DHRSX: variants seen among roughly 807,000 people sequenced by gnomAD.
DHRSX encodes dehydrogenase/reductase X-linked, also known as polyprenol dehydrogenase.
A neutral mutation model predicts 34.0 loss-of-function variants in DHRSX; 31 were observed. The ratio of observed to expected loss-of-function variants is 0.91; its 90% CI spans 0.69 to 1.23. The LOEUF (loss-of-function observed/expected upper bound fraction) is 1.23. DHRSX is among the 50% of genes most tolerant of loss of function. The pLI, the probability that DHRSX is intolerant of heterozygous loss-of-function variation, is 0.00. For synonymous variants in DHRSX, 201 were observed against 183.8 expected (o/e 1.09, Z -0.76); for missense variants, 414 against 428.1 (o/e 0.97, Z 0.29).
intron 1 of DHRSX, among the ~76,000 whole-genome samples, chrX:2,492,794 GAC>G: frequency 6.6e-6 from 1 of 152,352 alleles, no homozygotes; most frequent in East Asian, 1.9e-4. Flanking sequence ...GCAGCCCTGA[GAC>G]ACTTTGATTA....
chrX:2,224,830 T>C (rs867977071), intron 6 of DHRSX, among the ~76,000 whole-genome samples: 1 of 149,434 alleles, frequency 6.7e-6, no homozygotes, highest in African/African-American at 2.5e-5. Flanking sequence ...GAACACATGC[T>C]CACATATACT....
chrX:2,257,252 C>T (rs1473796200), intron 5 of DHRSX, among the ~76,000 whole-genome samples: 1 of 152,230 alleles, frequency 6.6e-6, no homozygotes, highest in Admixed American at 6.5e-5. Flanking sequence ...CCATGCCCGG[C>T]CCACTCACCA....
In DHRSX at chrX:2,349,768, A is replaced by G. The variant is rs758874913; in HGVS notation, c.287-58165T>C. Among the ~76,000 whole-genome samples the G allele has an allele frequency of 5.3e-5, 8 of 152,176 alleles. No homozygotes were observed. The South Asian group carries it at 1.0e-3, about 20-fold the overall frequency. On this transcript the variant is annotated intron_variant, in intron 3 of 6. Coordinates refer to ENST00000334651, the MANE Select transcript of DHRSX (RefSeq NM_145177.3). ...TAAACGGAAGGTAATTGGGCTGAGC[A>G]AGGTGGCTCACGCCTGTAATTCCAG...
At chrX:2,268,646 G>A (rs1251180921) in intron 4 of DHRSX, among the ~76,000 whole-genome samples, 6 of 152,158 alleles carry the variant, frequency 3.9e-5, no homozygotes, top group Admixed American at 3.9e-4. Flanking sequence ...ATGCACATGT[G>A]CATGAGTTTG....
At chrX:2,455,673 G>A (rs1235260994) in intron 1 of DHRSX, among the ~76,000 whole-genome samples, 3 of 149,818 alleles carry the variant, frequency 2.0e-5, no homozygotes, top group East Asian at 2.0e-4. Flanking sequence ...CCCTGGAGAC[G>A]GAGGTTGCAG....
chrX:2,381,960 A>G (rs1569495638), intron 3 of DHRSX, among the ~76,000 whole-genome samples: 1 of 152,148 alleles, frequency 6.6e-6, no homozygotes, highest in Admixed American at 6.5e-5. Flanking sequence ...ATTGTTTGCA[A>G]GCTACATGGC....
intron 3 of DHRSX, among the ~76,000 whole-genome samples, chrX:2,345,875 C>T (rs185511103): frequency 4.5e-4 from 69 of 152,238 alleles, no homozygotes; most frequent in African/African-American, 1.6e-3. Context: ...CCCCATACAT[C>T]TTGAGACTTG....
chrX:2,359,668 A>C (rs1383774236), intron 3 of DHRSX, among the ~76,000 whole-genome samples: 1 of 151,994 alleles, frequency 6.6e-6, no homozygotes, highest in African/African-American at 2.4e-5. Context: ...TGACACAGCG[A>C]GACTCCATAT....
intron 3 of DHRSX, among the ~76,000 whole-genome samples, chrX:2,336,592 G>GT (rs1324174364): frequency 6.8e-6 from 1 of 148,008 alleles, no homozygotes; most frequent in Non-Finnish European, 1.5e-5. Context: ...ACGGTATTTT[G>GT]TTTTTTGTTT....
chrX:2,221,873 G>A (rs1310594119), intron 6 of DHRSX, among the ~76,000 whole-genome samples: 2 of 152,134 alleles, frequency 1.3e-5, no homozygotes, highest in Non-Finnish European at 2.9e-5. Flanking sequence ...CAGTGGGATG[G>A]AAGAAATGTA....
chrX:2,482,646 A>G (rs1173171472), intron 1 of DHRSX, among the ~76,000 whole-genome samples: 1 of 152,194 alleles, frequency 6.6e-6, no homozygotes, highest in African/African-American at 2.4e-5. Flanking sequence ...GAAGCAAACC[A>G]ACACCTTTTA....
At chrX:2,274,812 G>GAA (rs935691195) in intron 4 of DHRSX, among the ~76,000 whole-genome samples, 71 of 152,244 alleles carry the variant, frequency 4.7e-4, no homozygotes, top group African/African-American at 1.6e-3. Flanking sequence ...TTTACGGAAC[G>GAA]AAAGCCTGAC....
At chrX:2,342,073 T>G (rs2042647767) in intron 3 of DHRSX, among the ~76,000 whole-genome samples, 1 of 152,146 alleles carries the variant, frequency 6.6e-6, no homozygotes, top group Non-Finnish European at 1.5e-5. Context: ...CCCAATGTGC[T>G]GGGATTACAG....
At chrX:2,299,636 C>T (rs1408045195) in intron 3 of DHRSX, among the ~76,000 whole-genome samples, 1 of 152,016 alleles carries the variant, frequency 6.6e-6, no homozygotes, top group Non-Finnish European at 1.5e-5. Context: ...GGGTGGATCA[C>T]CTGAGGTCAG....
At chrX:2,277,127 AG>A (rs2041677498) in intron 4 of DHRSX, among the ~76,000 whole-genome samples, 6 of 24,504 alleles carry the variant, frequency 2.4e-4, no homozygotes, top group African/African-American at 1.1e-3. Context: ...CAAACGAGAG[AG>A]GGAGAGAGAA....
chrX:2,489,544 G>A, intron 1 of DHRSX: 4 of 1,612,818 alleles, frequency 2.5e-6, no homozygotes, highest in Non-Finnish European at 3.4e-6. Context: ...CCTCGATGGT[G>A]GCCCACTCGC....
intron 6 of DHRSX, among the ~76,000 whole-genome samples, chrX:2,235,075 G>A (rs1215800872): frequency 6.6e-6 from 1 of 152,190 alleles, no homozygotes; most frequent in Non-Finnish European, 1.5e-5. Flanking sequence ...GAATGGTGTT[G>A]CTAGGAGCTA....
At chrX:2,312,325 A>G (rs1489000332) in intron 3 of DHRSX, among the ~76,000 whole-genome samples, 3 of 152,096 alleles carry the variant, frequency 2.0e-5, no homozygotes, top group Non-Finnish European at 4.4e-5. Context: ...AGAGTCAGGG[A>G]TGTTCGCTTC....
At chrX:2,334,996 A>G (rs1283767006) in intron 3 of DHRSX, 1 of 151,980 alleles carries the variant, frequency 6.6e-6, no homozygotes, top group Non-Finnish European at 1.5e-5. Context: ...TCTGGCCAAC[A>G]TGGTGAAACT....
Sources: allele counts gnomAD v4.1 joint callset (sites outside exome capture counted in the v4.1 genomes callset), GRCh38; gene constraint gnomAD v4.1.1; transcripts MANE v1.5; gene names NCBI Gene and HGNC (gene_info 2026-07-23, HGNC 2026-07-21).